The following TMLHE variants were observed in gnomAD, a reference collection of about 807,000 sequenced individuals.
The protein encoded by TMLHE is trimethyllysine dioxygenase, mitochondrial.
Under a neutral mutation model 25.7 loss-of-function variants are expected in TMLHE, and 18 were observed. That is an observed-to-expected ratio of 0.70 (90% CI 0.48 to 1.04). TMLHE has a LOEUF of 1.04. Ranked by LOEUF, TMLHE falls within the 50% of genes least tolerant of loss-of-function variation. The pLI is 0.00. For synonymous variants in TMLHE, 105 were observed against 97.0 expected, an observed-to-expected ratio of 1.08 and a Z score of -0.49; for missense variants, 236 against 259.0, an observed-to-expected ratio of 0.91 and a Z score of 0.61.
intron 5 of TMLHE, among the ~76,000 whole-genome samples, chrX:155,510,827 T>G (rs1299331041): frequency 1.9e-5 from 2 of 106,296 alleles, no homozygotes; most frequent in African/African-American, 3.3e-5. Context: ...ATCGCCACAC[T>G]GACTTCCACA....
rs2075357510 is a variant in TMLHE, at chrX:155,489,930, C to T, written c.*1605G>A. Among the ~76,000 whole-genome samples, 1 of 18,350 alleles carries T rather than the reference C, an allele frequency of 5.4e-5. No individual in the cohort carries two copies. Among genetic ancestry groups the T allele is most frequent in the Non-Finnish European group, 1.0e-4 (1 of 9,632 alleles). The allele number at this position is 18,350 out of a possible 115,157, so 15.9% of individuals were successfully genotyped here. A position where few individuals can be genotyped will look rare whatever the true frequency, so the allele number is the denominator to read the frequency against. ...CCTATCTTCACTAATAATGCCTTTT[C>T]CCCCCTCTTGTGTGCATCCTAGCCT... On this transcript the variant is annotated 3_prime_UTR_variant, in exon 8 of 8. Coordinates refer to ENST00000334398, the MANE Select transcript of TMLHE (RefSeq NM_018196.4).
chrX:155,534,607 C>T, intron 2 of TMLHE, among the ~76,000 whole-genome samples: 1 of 111,380 alleles, frequency 9.0e-6, no homozygotes, highest in Middle Eastern at 4.7e-3. Context: ...GAAGCACATA[C>T]TTATCTGGTT....
At chrX:155,569,044 A>G (rs1475384654) in intron 1 of TMLHE, among the ~76,000 whole-genome samples, 1 of 60,680 alleles carries the variant, frequency 1.6e-5, no homozygotes, top group East Asian at 7.0e-4. Context: ...TCTGAGCTAC[A>G]GGAGGAAATT....
At chrX:155,588,690 T>C (rs1175278237) in intron 1 of TMLHE, among the ~76,000 whole-genome samples, 2 of 111,794 alleles carry the variant, frequency 1.8e-5, no homozygotes, top group Non-Finnish European at 3.8e-5. Flanking sequence ...TAGACATTTC[T>C]TTTTAAAATA....
At chrX:155,576,532 A>C (rs2067590528) in intron 1 of TMLHE, among the ~76,000 whole-genome samples, 1 of 112,145 alleles carries the variant, frequency 8.9e-6, no homozygotes, top group African/African-American at 3.2e-5. Flanking sequence ...GAAACCAAAA[A>C]GTAGCCTGAC....
intron 1 of TMLHE, among the ~76,000 whole-genome samples, chrX:155,599,124 T>C (rs1557346935): frequency 8.9e-6 from 1 of 111,879 alleles, no homozygotes; most frequent in Non-Finnish European, 1.9e-5. Flanking sequence ...AAGCTTCTGG[T>C]CAATAGTAGG....
intron 1 of TMLHE, among the ~76,000 whole-genome samples, chrX:155,582,885 C>T (rs782541512): frequency 4.5e-5 from 5 of 111,934 alleles, no homozygotes; most frequent in Admixed American, 9.5e-5. Context: ...ATGTTTATTG[C>T]GAAACTATTC....
At chrX:155,504,938 A>T (rs1603009316) in intron 6 of TMLHE, among the ~76,000 whole-genome samples, 1 of 111,443 alleles carries the variant, frequency 9.0e-6, no homozygotes, top group African/African-American at 3.3e-5. Context: ...TATCTTGATA[A>T]GGGTTTGGGT....
chrX:155,596,187 A>G (rs2067719374), intron 1 of TMLHE, among the ~76,000 whole-genome samples: 2 of 112,190 alleles, frequency 1.8e-5, no homozygotes, highest in Non-Finnish European at 3.8e-5. Context: ...CGAGCTTTGA[A>G]GGGAAAAGAT....
chrX:155,587,886 A>T (rs1242298983), intron 1 of TMLHE, among the ~76,000 whole-genome samples: 1 of 112,355 alleles, frequency 8.9e-6, no homozygotes, highest in Non-Finnish European at 1.9e-5. Flanking sequence ...ATGCTTAAGT[A>T]TTGGAATAAT....
intron 1 of TMLHE, among the ~76,000 whole-genome samples, chrX:155,545,590 C>T (rs12011310): frequency 1.0e-3 from 117 of 112,257 alleles, no homozygotes; most frequent in African/African-American, 3.6e-3. Context: ...AATGACATTT[C>T]TGTCAGTAAC....
At chrX:155,597,322 C>A (rs1174962446) in intron 1 of TMLHE, among the ~76,000 whole-genome samples, 4 of 110,331 alleles carry the variant, frequency 3.6e-5, no homozygotes, top group Admixed American at 9.7e-5. Context: ...GTTAGAATGG[C>A]GATCATTAAA....
chrX:155,507,325 A>G (rs1418778071), intron 5 of TMLHE, among the ~76,000 whole-genome samples, 191 bp from the exon 6 acceptor site: 2 of 110,085 alleles, frequency 1.8e-5, no homozygotes, highest in Non-Finnish European at 1.9e-5. Context: ...TATTAATGCC[A>G]CTAGAGGTTT....
rs1473008602 is a variant in TMLHE, at chrX:155,591,389, C to T, written c.-2+21403G>A. Among the ~76,000 whole-genome samples, 5 of 111,578 alleles carry T rather than the reference C, an allele frequency of 4.5e-5. No individual in the cohort carries two copies. In the East Asian group the frequency reaches 1.4e-3, roughly 31 times the overall value. On this transcript the variant is annotated intron_variant, in intron 1 of 7. Coordinates refer to ENST00000334398, the MANE Select transcript of TMLHE (RefSeq NM_018196.4). The stretch of plus-strand genomic sequence containing the variant: ...TCCAAAACGCACATTCTTTTAAGCA[C>T]ACATGTAACTTTATACAGAAAAGAC...
chrX:155,592,763 G>A (rs887293505), intron 1 of TMLHE, among the ~76,000 whole-genome samples: 1 of 112,225 alleles, frequency 8.9e-6, no homozygotes, highest in Admixed American at 9.4e-5. Flanking sequence ...TGATAGCTCT[G>A]GGCTCCTGCT....
At chrX:155,559,834 C>T (rs782571617) in intron 1 of TMLHE, among the ~76,000 whole-genome samples, 14 of 112,028 alleles carry the variant, frequency 1.2e-4, no homozygotes, top group Admixed American at 7.6e-4. Flanking sequence ...TCAGTCCATC[C>T]ATATTCCAAT....
chrX:155,549,313 T>C (rs1603051930), intron 1 of TMLHE, among the ~76,000 whole-genome samples: 1 of 110,538 alleles, frequency 9.0e-6, no homozygotes, highest in Non-Finnish European at 1.9e-5. Flanking sequence ...GGGAAAACAT[T>C]CTAGTTTCAT....
At chrX:155,594,071 G>T (rs1262663489) in intron 1 of TMLHE, among the ~76,000 whole-genome samples, 1 of 111,712 alleles carries the variant, frequency 9.0e-6, no homozygotes, top group African/African-American at 3.3e-5. Context: ...GATGCCAAAA[G>T]TCTGGCAAAG....
intron 4 of TMLHE, among the ~76,000 whole-genome samples, chrX:155,512,854 C>G (rs188197542): frequency 3.6e-5 from 4 of 111,802 alleles, no homozygotes; most frequent in Admixed American, 2.8e-4. Context: ...TGTTGTGTCT[C>G]TCCTTGAAGT....
Sources: gnomAD v4.1 joint callset for allele counts (sites outside exome capture counted in the v4.1 genomes callset) on GRCh38, gnomAD v4.1.1 for gene constraint, MANE v1.5 for transcripts, NCBI Gene and HGNC (gene_info 2026-07-23, HGNC 2026-07-21) for gene names.